Variants in CD247 observed in about 807,000 individuals in gnomAD.
The protein encoded by CD247 is T-cell surface glycoprotein CD3 zeta chain.
A neutral mutation model predicts 30.0 loss-of-function variants in CD247; 13 were observed. The observed-to-expected ratio is 0.43, with a 90% CI of 0.28 to 0.69. The LOEUF is 0.69. CD247 is among the 30% of genes least tolerant of loss of function. The pLI is 0.16. For missense variants in CD247, 193 were observed against 212.6 expected (o/e 0.91, Z 0.57); for synonymous variants, 72 against 80.0 (o/e 0.90, Z 0.53).
chr1:167,454,305 T>A (rs1042827390), intron 1 of CD247, among the ~76,000 whole-genome samples: 1 of 152,136 alleles, frequency 6.6e-6, no homozygotes, highest in Non-Finnish European at 1.5e-5. Flanking sequence ...GGAGGCTGGG[T>A]GAATTTCACT....
chr1:167,463,073 G>A (rs1653093516), intron 1 of CD247, among the ~76,000 whole-genome samples: 1 of 152,186 alleles, frequency 6.6e-6, no homozygotes, highest in South Asian at 2.1e-4. Flanking sequence ...TGGAGGATGG[G>A]CAGTCGCCGG....
chr1:167,432,714 T>G (rs1651329174), intron 7 of CD247, among the ~76,000 whole-genome samples: 1 of 152,376 alleles, frequency 6.6e-6, no homozygotes, highest in East Asian at 1.9e-4. Context: ...GGATAATCAC[T>G]TGTGTGGTCC....
intron 7 of CD247, among the ~76,000 whole-genome samples, chr1:167,432,229 C>G (rs532625788): frequency 2.2e-4 from 33 of 152,358 alleles, no homozygotes; most frequent in African/African-American, 7.9e-4. Context: ...GCCTCCTTCC[C>G]TTCCCAGGCC....
chr1:167,503,116 A>G (rs544322304), intron 1 of CD247, among the ~76,000 whole-genome samples: 5 of 152,344 alleles, frequency 3.3e-5, no homozygotes, highest in Admixed American at 3.3e-4. Flanking sequence ...GGCAAGTCCC[A>G]GGAAACTGTG....
In CD247 at chr1:167,434,023, G is replaced by A. The variant is rs753046264; in HGVS notation, c.390C>T (p.Gly130=). The part of the protein sequence containing the change: ...AEAYSEIGMK[G]ERRRGKGHDG... ...ATTAAGAAACAGCAACACTCACCTC[G>A]CCTTTCATCCCAATCTCACTGTAGG... Residue 130 remains glycine (G), a synonymous_variant, in exon 6 of 8, where the codon GGC becomes GGT. Transcript: ENST00000362089. 3.8e-5 allele frequency: 61 copies of A among 1,613,360 alleles called. No individual in the cohort carries two copies. Among genetic ancestry groups the A allele is most frequent in the South Asian group, 2.1e-4 (19 of 91,070 alleles).
In CD247 at chr1:167,494,526, G is replaced by A. The variant is rs890042862; in HGVS notation, c.58+23882C>T. ...ATGTCCTCACCCTGTCGACCTCATG[G>A]GGCTGCTGTGAGGGTCAGATGAGAA... is the stretch of plus-strand genomic sequence containing the variant. On this transcript the variant is annotated intron_variant, in intron 1 of 7. Transcript: ENST00000362089. The surrounding 1 kb of genome is among the most constrained non-coding windows in gnomAD (Gnocchi z 7.3). Among the ~76,000 whole-genome samples, 5 of 152,120 alleles carry A rather than the reference G, an allele frequency of 3.3e-5. No homozygotes were observed. Among genetic ancestry groups the A allele is most frequent in the Non-Finnish European group, 7.3e-5 (5 of 68,030 alleles).
intron 1 of CD247, among the ~76,000 whole-genome samples, chr1:167,516,287 G>T (rs189461654): frequency 2.0e-5 from 3 of 152,352 alleles, no homozygotes; most frequent in African/African-American, 4.8e-5. Flanking sequence ...CACTAGGCAC[G>T]CCATCTTAGG....
At chr1:167,474,752 CTTTTT>C (rs1175876563) in intron 1 of CD247, among the ~76,000 whole-genome samples, 2 of 123,302 alleles carry the variant, frequency 1.6e-5, no homozygotes, top group African/African-American at 3.0e-5. Flanking sequence ...TTAAAACTGT[CTTTTT>C]TTTTTTTTTT....
chr1:167,480,022 G>A (rs950953355), intron 1 of CD247, among the ~76,000 whole-genome samples: 5 of 152,124 alleles, frequency 3.3e-5, no homozygotes, highest in Non-Finnish European at 7.4e-5. Flanking sequence ...AAAACAGCAC[G>A]GGCTGGATCA....
intron 1 of CD247, among the ~76,000 whole-genome samples, chr1:167,447,830 C>T (rs1652158596): frequency 6.6e-6 from 1 of 152,096 alleles, no homozygotes; most frequent in Non-Finnish European, 1.5e-5. Context: ...CCTTTGAGTC[C>T]CCAACTTTGA....
At chr1:167,489,329 G>A (rs1654342728) in intron 1 of CD247, among the ~76,000 whole-genome samples, 1 of 152,116 alleles carries the variant, frequency 6.6e-6, no homozygotes. Context: ...TATTTAAATA[G>A]GATGAAATGT....
At chr1:167,486,122 T>C (rs1161693282) in intron 1 of CD247, among the ~76,000 whole-genome samples, 1 of 152,154 alleles carries the variant, frequency 6.6e-6, no homozygotes. Flanking sequence ...AGAACAGGCA[T>C]TGTCAGGCCA....
chr1:167,514,417 C>T (rs1339553529), intron 1 of CD247, among the ~76,000 whole-genome samples: 1 of 152,092 alleles, frequency 6.6e-6, no homozygotes, highest in African/African-American at 2.4e-5. Flanking sequence ...TTCAACAATT[C>T]TTATTGATAA....
chr1:167,497,192 A>G (rs140450741), intron 1 of CD247, among the ~76,000 whole-genome samples: 13 of 152,360 alleles, frequency 8.5e-5, no homozygotes, highest in Non-Finnish European at 1.5e-4. Context: ...TTTATTGCTA[A>G]GTAAAAAGAA....
chr1:167,452,477 T>C (rs1010815885), intron 1 of CD247, among the ~76,000 whole-genome samples: 5 of 150,118 alleles, frequency 3.3e-5, no homozygotes, highest in African/African-American at 4.9e-5. Flanking sequence ...GCCGTGAAGA[T>C]GATGTAAAGA....
chr1:167,461,835 CA>C (rs11361450), intron 1 of CD247, among the ~76,000 whole-genome samples: 104,646 of 150,578 alleles, frequency 0.69, 37,889 homozygotes, highest in Non-Finnish European at 0.81. Flanking sequence ...GCGACAGGCT[CA>C]AAAAAAAAAG....
chr1:167,457,778 G>A (rs1321751037), intron 1 of CD247: 1 of 152,124 alleles, frequency 6.6e-6, no homozygotes, highest in Admixed American at 6.6e-5. Flanking sequence ...TGTGTCAAAT[G>A]GGTTCTTTCC....
At chr1:167,517,993 G>A (rs1655689523) in intron 1 of CD247, among the ~76,000 whole-genome samples, 1 of 152,330 alleles carries the variant, frequency 6.6e-6, no homozygotes, top group South Asian at 2.1e-4. Context: ...GAGCCAGCCA[G>A]AGGGTGAAAG....
At chr1:167,468,370 A>G (rs1653359018) in intron 1 of CD247, among the ~76,000 whole-genome samples, 1 of 152,260 alleles carries the variant, frequency 6.6e-6, no homozygotes, top group Admixed American at 6.5e-5. Flanking sequence ...AGGATGCTCT[A>G]TAAATACAAA....
Sources: gnomAD v4.1 joint callset for allele counts (sites outside exome capture counted in the v4.1 genomes callset) on GRCh38, gnomAD v4.1.1 for gene constraint, Gnocchi (gnomAD v3.1) non-coding constraint, MANE v1.5 for transcripts, NCBI Gene and HGNC (gene_info 2026-07-23, HGNC 2026-07-21) for gene names.